MRAS: variants seen among roughly 807,000 people sequenced by gnomAD.
The protein encoded by MRAS is ras-related protein M-Ras.
A neutral mutation model predicts 20.9 loss-of-function variants in MRAS; 4 were observed. The ratio of observed to expected loss-of-function variants is 0.19; its 90% CI spans 0.09 to 0.44. MRAS has a LOEUF of 0.44. MRAS is among the 20% of genes least tolerant of loss of function. MRAS has a pLI of 0.99. For synonymous variants in MRAS, 98 were observed against 102.9 expected (o/e 0.95, Z 0.29); for missense variants, 154 against 277.5 (o/e 0.56, Z 3.16).
intron 2 of MRAS, among the ~76,000 whole-genome samples, chr3:138,377,122 T>G (rs2054799051): frequency 6.6e-6 from 1 of 152,236 alleles, no homozygotes; most frequent in Admixed American, 6.5e-5. Context: ...AAGTGTGCAT[T>G]TGCAAAGCCT....
At position 138,403,462 on chromosome 3, in the gene MRAS, C is replaced by T. The variant is rs1431458477; in HGVS notation, c.*1193C>T. 6.6e-6 allele frequency: 1 copy of T among 152,412 alleles called. No individual in the cohort carries two copies. Among genetic ancestry groups the T allele is most frequent in the Non-Finnish European group, 1.5e-5 (1 of 68,058 alleles). The allele number at this position is 152,412 out of a possible 1,614,324, so 9.4% of individuals were successfully genotyped here. A position where few individuals can be genotyped will look rare whatever the true frequency, so the allele number is the denominator to read the frequency against. On this transcript the variant is annotated 3_prime_UTR_variant, in exon 6 of 6. Transcript: ENST00000423968. ...TATAAGCCTAGTCAATGAGCAGACC[C>T]CTTCCAGTATTTGTAAAAGTAGTAC...
chr3:138,356,437 A>G (rs1263044412), intron 1 of MRAS, among the ~76,000 whole-genome samples: 1 of 151,932 alleles, frequency 6.6e-6, no homozygotes. Context: ...TTTTTTCCTG[A>G]TCCTTTAGAA....
chr3:138,382,411 T>C (rs1228747516), intron 2 of MRAS, among the ~76,000 whole-genome samples: 4 of 152,260 alleles, frequency 2.6e-5, no homozygotes, highest in Non-Finnish European at 5.9e-5. Flanking sequence ...TTCATCCTTG[T>C]GACAATTCTG....
At chr3:138,374,108 A>G (rs183151) in intron 2 of MRAS, among the ~76,000 whole-genome samples, 123,925 of 151,746 alleles carry the variant, frequency 0.82, 50,720 homozygotes, top group East Asian at 0.97. Flanking sequence ...ACAGGCACGC[A>G]CCACCACACC....
intron 2 of MRAS, among the ~76,000 whole-genome samples, chr3:138,373,281 ATG>A (rs1277282137): frequency 6.6e-6 from 1 of 152,220 alleles, no homozygotes; most frequent in Non-Finnish European, 1.5e-5. Context: ...GGAAACCAAA[ATG>A]TGCATTCAGC....
intron 2 of MRAS, among the ~76,000 whole-genome samples, chr3:138,374,611 C>T (rs1045964852): frequency 5.3e-5 from 8 of 152,084 alleles, no homozygotes; most frequent in Non-Finnish European, 1.2e-4. Context: ...TCTCTGGCAT[C>T]CTGTTGAAAA....
chr3:138,361,130 G>T (rs545169707), intron 1 of MRAS, among the ~76,000 whole-genome samples: 5 of 152,354 alleles, frequency 3.3e-5, no homozygotes, highest in African/African-American at 1.2e-4. Flanking sequence ...CTCAGTGGAA[G>T]GAGACCTTGG....
chr3:138,348,402 G>C (rs2054156720), upstream of MRAS: 1 of 152,212 alleles, frequency 6.6e-6, no homozygotes, highest in Non-Finnish European at 1.5e-5. Context: ...CCGGGCCCAG[G>C]GGACTCGGCG....
intron 2 of MRAS, among the ~76,000 whole-genome samples, chr3:138,379,518 C>T (rs1029192015): frequency 2.6e-5 from 4 of 152,002 alleles, no homozygotes; most frequent in African/African-American, 4.8e-5. Flanking sequence ...CCAACACGCT[C>T]GGCTAATTTT....
At chr3:138,355,257 G>A (rs1001284088) in intron 1 of MRAS, among the ~76,000 whole-genome samples, 1 of 152,076 alleles carries the variant, frequency 6.6e-6, no homozygotes, top group Non-Finnish European at 1.5e-5. Flanking sequence ...GGAGTAAGGC[G>A]GCAGAGCCAA....
upstream of MRAS, chr3:138,347,732 A>G (rs1331517540): frequency 6.6e-6 from 1 of 152,076 alleles, no homozygotes; most frequent in Non-Finnish European, 1.5e-5. Context: ...AGATGAGATC[A>G]CAGGCACGTG....
intron 3 of MRAS, 49 bp from the exon 4 acceptor site, chr3:138,398,420 G>A: frequency 6.6e-7 from 1 of 1,516,010 alleles, no homozygotes; most frequent in Non-Finnish European, 9.2e-7. Context: ...TTAACCAGGT[G>A]TGAGGGGTGG....
intron 3 of MRAS, 104 bp downstream of exon 3, chr3:138,397,581 T>G (rs2055267719): frequency 7.3e-7 from 1 of 1,369,566 alleles, no homozygotes; most frequent in Non-Finnish European, 9.9e-7. Context: ...CACCCCTAAT[T>G]AAAGGCGTGG....
At chr3:138,389,484 G>A (rs576200292) in intron 2 of MRAS, among the ~76,000 whole-genome samples, 139 of 149,838 alleles carry the variant, frequency 9.3e-4, no homozygotes, top group Non-Finnish European at 1.2e-3. Flanking sequence ...GCTGGAAGGC[G>A]GCTGGGACAG....
At chr3:138,385,210 C>T (rs1445474894) in intron 2 of MRAS, among the ~76,000 whole-genome samples, 1 of 135,232 alleles carries the variant, frequency 7.4e-6, no homozygotes, top group African/African-American at 2.8e-5. Context: ...CTTTGTCACC[C>T]AGGCTGGAGT....
At chr3:138,354,286 T>C (rs769913298) in intron 1 of MRAS, among the ~76,000 whole-genome samples, 6 of 152,210 alleles carry the variant, frequency 3.9e-5, no homozygotes, top group Non-Finnish European at 8.8e-5. Context: ...ACAAATACCA[T>C]GTACCTATTA....
chr3:138,389,879 G>A (rs1334739139), intron 2 of MRAS, among the ~76,000 whole-genome samples: 2 of 151,942 alleles, frequency 1.3e-5, no homozygotes, highest in African/African-American at 4.8e-5. Flanking sequence ...CGTACCCTGG[G>A]CTATGGGCCA....
chr3:138,361,216 T>C (rs1004059203), intron 1 of MRAS, among the ~76,000 whole-genome samples: 1 of 152,158 alleles, frequency 6.6e-6, no homozygotes, highest in African/African-American at 2.4e-5. Context: ...ATCCCTGTCC[T>C]TGAGGACACC....
chr3:138,359,822 C>T (rs1399731699), intron 1 of MRAS, among the ~76,000 whole-genome samples: 2 of 152,190 alleles, frequency 1.3e-5, no homozygotes, highest in South Asian at 2.1e-4. Flanking sequence ...TGCCTTAGAA[C>T]GGCCGTGCCA....
Sources: gnomAD v4.1 joint callset for allele counts (sites outside exome capture counted in the v4.1 genomes callset) on GRCh38, gnomAD v4.1.1 for gene constraint, MANE v1.5 for transcripts, NCBI Gene and HGNC (gene_info 2026-07-23, HGNC 2026-07-21) for gene names.